The following ASIC2 variants were observed in gnomAD, a reference collection of about 807,000 sequenced individuals.
ASIC2 encodes acid-sensing ion channel 2.
In ASIC2, 25 loss-of-function variants were observed where a neutral mutation model predicts 57.3. That is an observed-to-expected ratio of 0.44 (90% CI 0.32 to 0.61). The LOEUF (loss-of-function observed/expected upper bound fraction) is 0.61. ASIC2 is among the 20% of genes least tolerant of loss of function. ASIC2 has a pLI of 0.06. For missense variants in ASIC2, 641 were observed against 738.1 expected (o/e 0.87, Z 1.52); for synonymous variants, 319 against 307.5 (o/e 1.04, Z -0.39).
chr17:33,772,930 T>G (rs1032525426), intron 1 of ASIC2, among the ~76,000 whole-genome samples: 6 of 152,208 alleles, frequency 3.9e-5, no homozygotes, highest in African/African-American at 1.4e-4. Context: ...GGGGGCGGAT[T>G]AAAAGCTATA....
At chr17:33,229,690 G>C (rs1257903576) in intron 1 of ASIC2, among the ~76,000 whole-genome samples, 1 of 152,224 alleles carries the variant, frequency 6.6e-6, no homozygotes, top group East Asian at 1.9e-4. Context: ...CGGAGCCTGG[G>C]ACGCATGGGA....
chr17:33,724,168 C>T (rs956965029), intron 1 of ASIC2, among the ~76,000 whole-genome samples: 7 of 152,108 alleles, frequency 4.6e-5, no homozygotes, highest in African/African-American at 1.2e-4. Context: ...TCTCTCTTGC[C>T]GGCTGCCATA....
chr17:33,893,668 C>T (rs994056079), intron 1 of ASIC2, among the ~76,000 whole-genome samples: 1 of 152,060 alleles, frequency 6.6e-6, no homozygotes, highest in African/African-American at 2.4e-5. Flanking sequence ...CTCAAAGGTC[C>T]ATTCTGGATT....
chr17:33,329,061 A>G (rs1433388558), intron 1 of ASIC2, among the ~76,000 whole-genome samples: 1 of 151,172 alleles, frequency 6.6e-6, no homozygotes, highest in Non-Finnish European at 1.5e-5. Context: ...GAGGCAGGAA[A>G]AAAGCTCAGA....
At chr17:33,860,422 G>A (rs1401263354) in intron 1 of ASIC2, among the ~76,000 whole-genome samples, 2 of 152,154 alleles carry the variant, frequency 1.3e-5, no homozygotes, top group African/African-American at 4.8e-5. Flanking sequence ...TTTCCTCCTG[G>A]GGGCCAGAGA....
chr17:33,656,778 T>G (rs1907091129), intron 1 of ASIC2, among the ~76,000 whole-genome samples: 1 of 152,244 alleles, frequency 6.6e-6, no homozygotes, highest in South Asian at 2.1e-4. Context: ...TTTACTTACT[T>G]GTTTCTCTAA....
intron 1 of ASIC2, among the ~76,000 whole-genome samples, chr17:33,156,773 A>G (rs1467385216): frequency 6.6e-6 from 1 of 152,040 alleles, no homozygotes; most frequent in African/African-American, 2.4e-5. Context: ...ACAAAAACAA[A>G]CAAACAAACA....
At chr17:33,333,925 C>T (rs1026454299) in intron 1 of ASIC2, among the ~76,000 whole-genome samples, 2 of 152,192 alleles carry the variant, frequency 1.3e-5, no homozygotes, top group African/African-American at 4.8e-5. Flanking sequence ...GCTCCTTAAA[C>T]AAAAAGCCAG....
chr17:33,963,636 A>G (rs751739), intron 1 of ASIC2, among the ~76,000 whole-genome samples: 23,526 of 151,486 alleles, frequency 0.16, 2,387 homozygotes, highest in East Asian at 0.34. Context: ...TATATTCCAT[A>G]TAATATATAA....
intron 1 of ASIC2, among the ~76,000 whole-genome samples, chr17:33,899,906 G>A (rs542842489): frequency 1.8e-4 from 28 of 152,306 alleles, no homozygotes; most frequent in Middle Eastern, 3.4e-3. Context: ...GCTGTGAAGT[G>A]CACAACCTCT....
intron 1 of ASIC2, among the ~76,000 whole-genome samples, chr17:34,099,375 G>C (rs1489666809): frequency 8.3e-6 from 1 of 120,830 alleles, no homozygotes; most frequent in African/African-American, 3.2e-5. Context: ...AGGAAAGAAA[G>C]AAAAAAGAGA....
intron 1 of ASIC2, among the ~76,000 whole-genome samples, chr17:33,989,982 G>C (rs755609935): frequency 3.3e-5 from 5 of 152,174 alleles, no homozygotes; most frequent in Non-Finnish European, 1.5e-5. Flanking sequence ...TCAGCCCTTC[G>C]TGCATAATTA....
rs1244099986 is a variant in ASIC2, at chr17:33,082,561, T to A, written c.987+6302A>T. On this transcript the variant is annotated intron_variant, in intron 3 of 9. Transcript: ENST00000225823. Reference sequence around the variant, plus strand: ...TAAAAATACAAAAATTAGCCAGGCATGGTGGCACAAGCCTGTAATTCCAGC... The same window carrying A: ...TAAAAATACAAAAATTAGCCAGGCAAGGTGGCACAAGCCTGTAATTCCAGC... 2.6e-5 allele frequency among the ~76,000 whole-genome samples: 4 copies of A among 152,206 alleles called. No homozygotes were observed. The East Asian group carries it at 7.7e-4, about 29-fold the overall frequency.
At chr17:33,933,990 T>A (rs1210858941) in intron 1 of ASIC2, among the ~76,000 whole-genome samples, 1 of 152,224 alleles carries the variant, frequency 6.6e-6, no homozygotes, top group East Asian at 1.9e-4. Flanking sequence ...ACAGAACGTA[T>A]TTGATTCTTT....
At chr17:33,795,178 C>T (rs1314634201) in intron 1 of ASIC2, among the ~76,000 whole-genome samples, 1 of 152,238 alleles carries the variant, frequency 6.6e-6, no homozygotes, top group African/African-American at 2.4e-5. Flanking sequence ...TTGTGCAATG[C>T]TCAGATGTTC....
At chr17:33,345,951 C>T (rs1028048875) in intron 1 of ASIC2, among the ~76,000 whole-genome samples, 17 of 152,054 alleles carry the variant, frequency 1.1e-4, no homozygotes, top group African/African-American at 2.9e-4. Flanking sequence ...GGAGGCCAGG[C>T]GTGGTGGCTA....
intron 1 of ASIC2, among the ~76,000 whole-genome samples, chr17:33,168,419 C>T (rs111978842): frequency 0.023 from 3,540 of 152,154 alleles, 131 homozygotes; most frequent in African/African-American, 0.081. Context: ...TGGTGAGGCC[C>T]CAGAAGAGAG....
chr17:34,073,774 C>G (rs1420797961), intron 1 of ASIC2, among the ~76,000 whole-genome samples: 3 of 152,136 alleles, frequency 2.0e-5, no homozygotes, highest in Non-Finnish European at 4.4e-5. Flanking sequence ...TCAGAAGAAA[C>G]GGGGTTGGGG....
intron 1 of ASIC2, among the ~76,000 whole-genome samples, chr17:33,464,496 C>CTTTT (rs1567620932): frequency 2.6e-5 from 1 of 38,426 alleles, no homozygotes. Context: ...TTCTTTCTTT[C>CTTTT]TTTCTTTCTT....
Sources: allele counts gnomAD v4.1 joint callset (sites outside exome capture counted in the v4.1 genomes callset), GRCh38; gene constraint gnomAD v4.1.1; transcripts MANE v1.5; gene names NCBI Gene and HGNC (gene_info 2026-07-23, HGNC 2026-07-21).